The following CUBN variants were observed in gnomAD, a reference collection of about 807,000 sequenced individuals.
CUBN encodes 460 kDa receptor.
Under a neutral mutation model 405.3 loss-of-function variants are expected in CUBN, and 282 were observed. The ratio of observed to expected loss-of-function variants is 0.70; its 90% CI spans 0.63 to 0.77. The LOEUF (loss-of-function observed/expected upper bound fraction) is 0.77, where lower values mean the gene tolerates loss of function less well. Ranked by LOEUF, CUBN falls within the 30% of genes least tolerant of loss-of-function variation. The pLI is 0.00. For missense variants in CUBN, 4,514 were observed against 4,475.2 expected (o/e 1.01, Z -0.25); for synonymous variants, 1,684 against 1,617.0 (o/e 1.04, Z -0.99).
intron 28 of CUBN, among the ~76,000 whole-genome samples, chr10:17,013,613 A>T (rs12415652): frequency 0.4 from 60,341 of 151,986 alleles, 12,298 homozygotes; most frequent in East Asian, 0.59. Context: ...TTAATAGGGG[A>T]TCCCCCAGAG....
intron 8 of CUBN, among the ~76,000 whole-genome samples, chr10:17,113,560 A>C (rs867808636): frequency 2.0e-5 from 3 of 152,172 alleles, no homozygotes. Context: ...CTGGAGATTC[A>C]GTTGCTGCAG....
At chr10:16,832,579 G>GT (rs1313327556) in intron 64 of CUBN, among the ~76,000 whole-genome samples, 2 of 152,182 alleles carry the variant, frequency 1.3e-5, no homozygotes, top group African/African-American at 4.8e-5. Flanking sequence ...GAGTTTGGGC[G>GT]TTTTTCCCTC....
intron 53 of CUBN, among the ~76,000 whole-genome samples, chr10:16,899,590 C>T (rs1471010031): frequency 1.3e-5 from 2 of 152,206 alleles, no homozygotes; most frequent in African/African-American, 4.8e-5. Context: ...TGCAACGTTA[C>T]TCTAACTGGA....
intron 45 of CUBN, 55 bp from the exon 46 acceptor site, chr10:16,916,085 T>C (rs1274689626): frequency 6.4e-7 from 1 of 1,557,650 alleles, no homozygotes. Flanking sequence ...CAAGAAAGAT[T>C]GATTCTATTA....
At chr10:17,023,509 C>A (rs543470594) in intron 27 of CUBN, 66 of 419,230 alleles carry the variant, frequency 1.6e-4, no homozygotes, top group South Asian at 1.1e-3. Flanking sequence ...CCACCCAAAA[C>A]CACACAAAAA....
At chr10:17,041,996 T>G (rs1835031269) in intron 26 of CUBN, among the ~76,000 whole-genome samples, 1 of 152,122 alleles carries the variant, frequency 6.6e-6, no homozygotes, top group Non-Finnish European at 1.5e-5. Context: ...ATATATTATC[T>G]CTATGATGTG....
At position 17,125,059 on chromosome 10, in the gene CUBN, C is replaced by T. The variant is rs375781638; in HGVS notation, c.388-1370G>A. Among the ~76,000 whole-genome samples, 18 of 151,810 alleles carry T rather than the reference C, an allele frequency of 1.2e-4. No individual in the cohort carries two copies. The East Asian group carries it at 1.6e-3, about 13-fold the overall frequency. ...GTTGACCAGGCTGATCTCAAACTCC[C>T]GACCTCACATGATCCACCTGCCTCG... On this transcript the variant is annotated intron_variant, in intron 4 of 66. Coordinates refer to ENST00000377833, the MANE Select transcript of CUBN (RefSeq NM_001081.4).
intron 56 of CUBN, among the ~76,000 whole-genome samples, chr10:16,881,497 G>A (rs1399679109): frequency 6.6e-6 from 1 of 152,170 alleles, no homozygotes; most frequent in Non-Finnish European, 1.5e-5. Context: ...AAGTTTGTTG[G>A]GGAAATGCAG....
At chr10:17,022,374 A>AT (rs34151297) in intron 27 of CUBN, among the ~76,000 whole-genome samples, 1 of 152,056 alleles carries the variant, frequency 6.6e-6, no homozygotes, top group East Asian at 1.9e-4. Flanking sequence ...GATGAGTTTT[A>AT]TTTTTCAGGC....
At chr10:17,060,359 G>A (rs1445737936) in intron 22 of CUBN, among the ~76,000 whole-genome samples, 1 of 151,596 alleles carries the variant, frequency 6.6e-6, no homozygotes, top group African/African-American at 2.4e-5. Context: ...GATCTCAGGT[G>A]ATCCGACTGC....
At chr10:16,846,100 G>T (rs1839500271) in intron 60 of CUBN, among the ~76,000 whole-genome samples, 1 of 152,102 alleles carries the variant, frequency 6.6e-6, no homozygotes, top group Admixed American at 6.5e-5. Context: ...AAATATTTTT[G>T]CACAGTTTTG....
chr10:17,038,807 T>C (rs918872972), intron 27 of CUBN, among the ~76,000 whole-genome samples: 1 of 152,228 alleles, frequency 6.6e-6, no homozygotes, highest in Non-Finnish European at 1.5e-5. Context: ...CTCCTCCCTC[T>C]GGCAACAGCG....
intron 28 of CUBN, among the ~76,000 whole-genome samples, chr10:17,001,382 C>T (rs756694865): frequency 3.3e-5 from 5 of 152,134 alleles, no homozygotes; most frequent in Non-Finnish European, 5.9e-5. Context: ...TTTTACAGAG[C>T]GCTGGTTGGT....
In CUBN at chr10:16,901,402, T is replaced by C. The variant is rs746661561; in HGVS notation, c.8120A>G (p.Asn2707Ser). 3.1e-6 allele frequency: 5 copies of C among 1,614,028 alleles called. No homozygotes were observed. The African/African-American group carries it at 4.0e-5, about 13-fold the overall frequency. Residue 2707 changes from asparagine to serine, a missense_variant, in exon 52 of 67, where the codon AAT (asparagine) becomes AGT (serine). Asn to Ser is a conservative substitution (Grantham distance 46, BLOSUM62 1). Around this residue, in one of 5 missense-constraint regions of CUBN, gnomAD observed 1,186 missense variants for 1,186.9 expected, o/e 1.00. Coordinates refer to ENST00000377833, the MANE Select transcript of CUBN (RefSeq NM_001081.4). ...GCAGTGGGTCAGGCTGTCATAAGCA[T>C]TTGGATAGTTGGGGCTTGTGATCAC... is the stretch of plus-strand genomic sequence containing the variant. ...SGVITSPNYP[N>S]AYDSLTHCSS...
At position 17,056,609 on chromosome 10, in the gene CUBN, A is replaced by C. The variant is rs556005759; in HGVS notation, c.3139+8899T>G. ...GGGCGACAGAGTGAGACTCCGTCTC[A>C]AAAAAAAAACAACTTCTAGAAGGAT... On this transcript the variant is annotated intron_variant, in intron 22 of 66. Coordinates refer to ENST00000377833, the MANE Select transcript of CUBN (RefSeq NM_001081.4). Among the ~76,000 whole-genome samples the C allele has an allele frequency of 2.7e-4, 41 of 149,096 alleles. 1 individual carries two copies. The East Asian group carries it at 4.3e-3, about 16-fold the overall frequency.
At chr10:16,954,026 C>A (rs1163272743) in intron 32 of CUBN, among the ~76,000 whole-genome samples, 1 of 152,164 alleles carries the variant, frequency 6.6e-6, no homozygotes, top group Non-Finnish European at 1.5e-5. Flanking sequence ...CTTCCAGGGG[C>A]TGGCATCTGA....
chr10:16,964,585 C>A (rs1245522390), intron 31 of CUBN, among the ~76,000 whole-genome samples: 1 of 151,990 alleles, frequency 6.6e-6, no homozygotes, highest in Admixed American at 6.6e-5. Flanking sequence ...TTTCTGTATT[C>A]TACAAATTTA....
At chr10:16,986,490 C>T (rs1437684946) in intron 29 of CUBN, among the ~76,000 whole-genome samples, 1 of 152,098 alleles carries the variant, frequency 6.6e-6, no homozygotes, top group Non-Finnish European at 1.5e-5. Context: ...CCGGTAAAGG[C>T]CAAAATGAAT....
intron 22 of CUBN, among the ~76,000 whole-genome samples, chr10:17,052,052 G>C (rs983347300): frequency 3.3e-5 from 5 of 152,084 alleles, no homozygotes; most frequent in East Asian, 3.9e-4. Flanking sequence ...GTTGGGGCGG[G>C]GGGGAAGCCA....
Sources: gnomAD v4.1 joint callset for allele counts (sites outside exome capture counted in the v4.1 genomes callset) on GRCh38, gnomAD v4.1.1 for gene constraint, gnomAD v4.1.1 regional missense constraint, MANE v1.5 for transcripts, NCBI Gene and HGNC (gene_info 2026-07-23, HGNC 2026-07-21) for gene names.